The following H2BC18 variants were observed in gnomAD, a reference collection of about 807,000 sequenced individuals.
H2BC18 encodes the protein H2B clustered histone 18.
In H2BC18, 8 loss-of-function variants were observed where a neutral mutation model predicts 6.3. The ratio of observed to expected loss-of-function variants is 1.28; its 90% confidence interval spans 0.75 to 2.31. H2BC18 has a LOEUF of 2.31. Ranked by LOEUF, H2BC18 falls within the 30% of genes most tolerant of loss-of-function variation. H2BC18 has a pLI of 0.00. For synonymous variants in H2BC18, 104 were observed against 78.1 expected (o/e 1.33, Z -1.75); for missense variants, 106 against 174.5 (o/e 0.61, Z 2.21).
intron 1 of H2BC18, among the ~76,000 whole-genome samples, chr1:149,805,008 A>C (rs2091904885): frequency 6.6e-6 from 1 of 152,168 alleles, no homozygotes; most frequent in African/African-American, 2.4e-5. Context: ...CTCCAACCTC[A>C]GTTGCCTCTG....
intron 1 of H2BC18, among the ~76,000 whole-genome samples, chr1:149,789,561 C>T (rs1392908088): frequency 2.0e-5 from 3 of 152,190 alleles, no homozygotes; most frequent in Non-Finnish European, 2.9e-5. Context: ...GGGTTCCCAA[C>T]CCTTACTGGT....
chr1:149,806,662 A>T (rs1553753918), intron 1 of H2BC18, among the ~76,000 whole-genome samples: 1 of 152,208 alleles, frequency 6.6e-6, no homozygotes, highest in African/African-American at 2.4e-5. Flanking sequence ...GGAGCTTGTT[A>T]TCTTACCTAA....
chr1:149,803,159 CTG>C (rs2091889307), intron 1 of H2BC18, among the ~76,000 whole-genome samples: 1 of 152,046 alleles, frequency 6.6e-6, no homozygotes, highest in African/African-American at 2.4e-5. Context: ...CGTATCTGTG[CTG>C]TGTCTGAAGT....
At chr1:149,796,831 G>A (rs2091805644) in intron 1 of H2BC18, among the ~76,000 whole-genome samples, 1 of 152,148 alleles carries the variant, frequency 6.6e-6, no homozygotes, top group African/African-American at 2.4e-5. Context: ...CACTCAGTCG[G>A]TGGCTTTTAA....
intron 1 of H2BC18, chr1:149,786,809 G>A (rs1165372791): frequency 6.6e-6 from 1 of 152,136 alleles, no homozygotes; most frequent in Non-Finnish European, 1.5e-5. Context: ...TTGGAGGGTA[G>A]TTTTTTGCTA....
chr1:149,791,695 A>C (rs782246182), intron 1 of H2BC18: 28 of 954,864 alleles, frequency 2.9e-5, no homozygotes, highest in African/African-American at 5.3e-5. Flanking sequence ...AAATGTGGTC[A>C]TCAAAGATGA....
At chr1:149,788,175 T>C (rs587766733) in intron 1 of H2BC18, 105 of 966,654 alleles carry the variant, frequency 1.1e-4, no homozygotes, top group African/African-American at 8.6e-4. Context: ...GTGTACGCAG[T>C]TGCCAGTAAA....
intron 1 of H2BC18, among the ~76,000 whole-genome samples, chr1:149,799,293 G>T (rs1407309917): frequency 6.6e-6 from 1 of 151,732 alleles, no homozygotes; most frequent in Non-Finnish European, 1.5e-5. Context: ...GAGCCCAAAT[G>T]AGTTGGATGT....
chr1:149,802,959 T>C (rs1484738905), intron 1 of H2BC18, among the ~76,000 whole-genome samples: 1 of 152,192 alleles, frequency 6.6e-6, no homozygotes, highest in Admixed American at 6.5e-5. Flanking sequence ...ACATTGAGGG[T>C]GAGTCTTCCT....
At chr1:149,810,394 A>G (rs1345395193), downstream of H2BC18, 1 of 152,248 alleles carries the variant, frequency 6.6e-6, no homozygotes, top group African/African-American at 2.4e-5. Context: ...AGTGGAAAAA[A>G]AAAATCATGT....
At chr1:149,788,866 G>A (rs1389607222) in intron 1 of H2BC18, among the ~76,000 whole-genome samples, 2 of 152,018 alleles carry the variant, frequency 1.3e-5, no homozygotes, top group Non-Finnish European at 2.9e-5. Flanking sequence ...CAATGTCAGG[G>A]CATAATGGTG....
chr1:149,812,153 G>A lies in H2BC18; in HGVS notation c.171C>T (p.Ser57=). ...KQVHPDTGIS[S]KAMGIMNSFV... ...AGGAGTTCATGATGCCCATGGCCTT[G>A]GACGAGATGCCGGTGTCGGGGTGGA... The change falls in exon 1 of 1, where the codon TCC becomes TCT. Residue 57 remains serine, a synonymous_variant. Coordinates refer to ENST00000369167, the MANE Select transcript of H2BC18 (RefSeq NM_001024599.5). The A allele has an allele frequency of 1.2e-6, 2 of 1,614,278 alleles. No homozygotes were observed. Among genetic ancestry groups the A allele is most frequent in the Middle Eastern group, 1.6e-4 (1 of 6,062 alleles).
At chr1:149,802,657 A>G (rs2091883868) in intron 1 of H2BC18, among the ~76,000 whole-genome samples, 1 of 152,200 alleles carries the variant, frequency 6.6e-6, no homozygotes, top group African/African-American at 2.4e-5. Flanking sequence ...AGGAAGAAAG[A>G]AGCCAGTAGT....
At chr1:149,800,115 G>A (rs1553753160) in intron 1 of H2BC18, among the ~76,000 whole-genome samples, 2 of 151,998 alleles carry the variant, frequency 1.3e-5, no homozygotes, top group Non-Finnish European at 2.9e-5. Flanking sequence ...TAATTTGCTA[G>A]AGCAGTTCAT....
intron 1 of H2BC18, chr1:149,786,453 C>T (rs1425564008): frequency 1.3e-5 from 2 of 152,202 alleles, no homozygotes; most frequent in African/African-American, 2.4e-5. Context: ...CAGTACAATA[C>T]ACCAACATTT....
rs587687240 is a variant in H2BC18 at position 149,793,073 on chromosome 1, G to A, written c.378-9813C>T. On this transcript the variant is annotated intron_variant, in intron 1 of 1. Transcript: ENST00000545683. ...GCGCGGCGCCACCTGGCGGCCGTCT[G>A]TGGAGGTTGCAGCTGCCGCCAAGCC... 2,638 of 1,275,110 alleles carry A rather than the reference G, an allele frequency of 2.1e-3. 3 individuals carry two copies. The highest frequency in any genetic ancestry group is 2.5e-3 in the Non-Finnish European group (2,490 of 984,656). 79.0% of individuals were successfully genotyped at this position (1,275,110 alleles called of 1,614,324 possible).
intron 1 of H2BC18, among the ~76,000 whole-genome samples, chr1:149,794,364 G>A (rs587634944): frequency 0.011 from 1,704 of 151,614 alleles, 23 homozygotes; most frequent in Admixed American, 0.02. Context: ...GGGGTAGCAA[G>A]AAGCGAATGT....
intron 1 of H2BC18, chr1:149,791,542 A>G: frequency 6.2e-7 from 1 of 1,610,246 alleles, no homozygotes; most frequent in Middle Eastern, 2.3e-4. Context: ...GTGGCCATCG[A>G]TCTGGACCGT....
intron 1 of H2BC18, chr1:149,792,683 G>C: frequency 7.8e-7 from 1 of 1,280,482 alleles, no homozygotes; most frequent in Non-Finnish European, 1.0e-6. Flanking sequence ...AGCGCCCGGG[G>C]ACCCAGCTGC....
Sources: allele counts gnomAD v4.1 joint callset (sites outside exome capture counted in the v4.1 genomes callset), GRCh38; gene constraint gnomAD v4.1.1; transcripts MANE v1.5; gene names NCBI Gene and HGNC (gene_info 2026-07-23, HGNC 2026-07-21).